The following REXO5 variants were observed in gnomAD, a reference collection of about 807,000 sequenced individuals.
The protein encoded by REXO5 is RNA exonuclease 5.
A neutral mutation model predicts 88.5 loss-of-function variants in REXO5; 48 were observed. The observed-to-expected ratio is 0.54, with a 90% confidence interval of 0.43 to 0.69. REXO5 has a LOEUF of 0.69. Ranked by LOEUF, REXO5 falls within the 30% of genes least tolerant of loss-of-function variation. The pLI is 0.00. For synonymous variants in REXO5, 311 were observed against 336.5 expected, an observed-to-expected ratio of 0.92 and a Z score of 0.83; for missense variants, 749 against 912.2, an observed-to-expected ratio of 0.82 and a Z score of 2.30.
In REXO5 at chr16:20,807,265, G is replaced by T. The variant is rs537472244; in HGVS notation, c.138+174G>T. The T allele has an allele frequency of 4.2e-6, 3 of 710,140 alleles. No homozygotes were observed. The East Asian group carries it at 8.4e-5, about 20-fold the overall frequency. The allele number at this position is 710,140 out of a possible 1,614,324, so 44.0% of individuals were successfully genotyped here. A position where few individuals can be genotyped will look rare whatever the true frequency, so the allele number is the denominator to read the frequency against. On this transcript the variant is annotated intron_variant, in intron 2 of 19. Coordinates refer to ENST00000261377, the MANE Select transcript of REXO5 (RefSeq NM_030941.3). ...TGTAATACCACCTTCCTGCAACAAGGCTGTCATTGGCTGTCACTGGGATAG... is the reference window on the plus strand; with the variant it reads ...TGTAATACCACCTTCCTGCAACAAGTCTGTCATTGGCTGTCACTGGGATAG...
chr16:20,831,318 G>T (rs2081341356), intron 11 of REXO5, among the ~76,000 whole-genome samples: 1 of 152,144 alleles, frequency 6.6e-6, no homozygotes, highest in Non-Finnish European at 1.5e-5. Flanking sequence ...CTCACCCCTT[G>T]TGAGAAGATG....
chr16:20,833,233 T>G, intron 13 of REXO5, 110 bp downstream of exon 13: 2 of 1,165,642 alleles, frequency 1.7e-6, no homozygotes, highest in South Asian at 3.4e-5. Context: ...CTGGCTACAG[T>G]TAGCAAGCCT....
chr16:20,832,299 A>C (rs769299174), intron 12 of REXO5, 40 bp downstream of exon 12: 1 of 1,301,696 alleles, frequency 7.7e-7, no homozygotes, highest in Non-Finnish European at 1.1e-6. Context: ...AGACAAATGG[A>C]GTATCTAGTT....
At position 20,806,550 on chromosome 16, in the gene REXO5, A is replaced by AG; in HGVS notation, c.-154dup. 1 of 1,513,298 alleles carries AG rather than the reference A, an allele frequency of 6.6e-7. No individual in the cohort carries two copies. The highest frequency in any genetic ancestry group is 8.8e-7 in the Non-Finnish European group (1 of 1,131,944). 93.7% of individuals were successfully genotyped at this position (1,513,298 alleles called of 1,614,324 possible). ...TTGTTGTTGGCAGCTGTGGCTAAGG[A>AG]GGGGAGAACCTCTGCTCCCCGCCCG... On this transcript the variant is annotated 5_prime_UTR_variant, in exon 1 of 20. Transcript: ENST00000261377.
rs373915402 is a variant in REXO5, at chr16:20,825,119, AG to A, written c.705+594del. Among the ~76,000 whole-genome samples the A allele has an allele frequency of 9.1e-4, 139 of 152,314 alleles. 4 individuals are homozygous for A. The South Asian group carries it at 0.028, about 31-fold the overall frequency. ...GAAGTATTTTGTTGTTGCTGCCATG[AG>A]GACTTTGCCTTAATTGTTGGTTTGG... is the stretch of plus-strand genomic sequence containing the variant. On this transcript the variant is annotated intron_variant, in intron 7 of 19. Transcript: ENST00000261377.
intron 10 of REXO5, among the ~76,000 whole-genome samples, 185 bp downstream of exon 10, chr16:20,827,632 C>T (rs1013890681): frequency 8.6e-5 from 13 of 151,990 alleles, no homozygotes; most frequent in South Asian, 4.2e-4. Flanking sequence ...CATTCACAGT[C>T]GAGGCTTAAT....
rs2081618140 is a variant in REXO5, at chr16:20,847,087, G to A, written c.2243+748G>A. On this transcript the variant is annotated intron_variant, in intron 19 of 19. Transcript: ENST00000261377. The stretch of plus-strand genomic sequence containing the variant: ...TTTTTGAACAGTGTGAAAACCTTGG[G>A]TTGTGTTAATTTTTAAAAGTCCCTT... Among the ~76,000 whole-genome samples, 3 of 152,188 alleles carry A rather than the reference G, an allele frequency of 2.0e-5. No individual in the cohort carries two copies. The South Asian group carries it at 6.2e-4, about 32-fold the overall frequency.
rs1238387602 is a variant in REXO5, at chr16:20,827,072, C to T, written c.836C>T (p.Thr279Met). The T allele has an allele frequency of 2.5e-6, 4 of 1,613,636 alleles. No homozygotes were observed. Among genetic ancestry groups the T allele is most frequent in the Non-Finnish European group, 3.4e-6 (4 of 1,179,780 alleles). The change falls in exon 9 of 20, where the codon ACG becomes ATG. Residue 279 changes from threonine to methionine, a missense_variant. Physicochemically the swap from Thr to Met is moderately conservative, Grantham distance 81. Transcript: ENST00000261377. ...TTTAATGAAAGCTTTTCGGGAATCA[C>T]GAAGAAGATTCTTAACCCAGTGACG... ...LDYLTSFSGI[T>M]KKILNPVTTK...
At chr16:20,826,969 T>C in intron 8 of REXO5, 89 bp from the exon 9 acceptor site, 2 of 1,366,050 alleles carry the variant, frequency 1.5e-6, no homozygotes, top group Non-Finnish European at 2.0e-6. Flanking sequence ...TTAACAGTAA[T>C]TTTAAAAAAT....
intron 9 of REXO5, 48 bp downstream of exon 9, chr16:20,827,244 C>G: frequency 6.2e-7 from 1 of 1,609,692 alleles, no homozygotes; most frequent in East Asian, 2.2e-5. Context: ...AATGCCTGTT[C>G]CATTTATCTC....
chr16:20,811,345 G>C (rs1284192284), intron 2 of REXO5, among the ~76,000 whole-genome samples: 4 of 152,174 alleles, frequency 2.6e-5, no homozygotes, highest in Non-Finnish European at 5.9e-5. Context: ...TAAGAAAGTA[G>C]ATAGATGTAC....
intron 3 of REXO5, 42 bp downstream of exon 3, chr16:20,813,344 CTTTTTTTTTT>C (rs56875427): frequency 3.1e-6 from 2 of 644,002 alleles, no homozygotes; most frequent in Non-Finnish European, 5.0e-6. Context: ...CCAGCGGTTT[CTTTTTTTTTT>C]TTTTTTTTTT....
chr16:20,820,167 G>A (rs1252261746), intron 5 of REXO5, among the ~76,000 whole-genome samples: 2 of 152,104 alleles, frequency 1.3e-5, no homozygotes, highest in Admixed American at 1.3e-4. Flanking sequence ...TTGAATGGTG[G>A]ACGAAAGTTA....
intron 5 of REXO5, chr16:20,820,976 T>A (rs1457190111): frequency 1.3e-5 from 2 of 150,778 alleles, no homozygotes; most frequent in African/African-American, 4.8e-5. Context: ...AAGTCATTGG[T>A]CAATCTATAG....
intron 2 of REXO5, among the ~76,000 whole-genome samples, chr16:20,810,861 C>T (rs765634514): frequency 6.6e-6 from 1 of 152,150 alleles, no homozygotes; most frequent in Non-Finnish European, 1.5e-5. Flanking sequence ...TGTACCAGGT[C>T]ATCTTCCTTT....
chr16:20,827,222 A>G (rs201141698), intron 9 of REXO5, 26 bp downstream of exon 9: 171 of 1,613,678 alleles, frequency 1.1e-4, no homozygotes, highest in Non-Finnish European at 2.7e-5. Flanking sequence ...AGGACTTTGC[A>G]TTTTCAGTAT....
chr16:20,817,091 A>G (rs1239885396), intron 5 of REXO5, among the ~76,000 whole-genome samples: 5 of 152,344 alleles, frequency 3.3e-5, no homozygotes, highest in South Asian at 4.1e-4. Flanking sequence ...GTATTGTTCA[A>G]TGATACTCTA....
rs1292457996 is a variant in REXO5 at position 20,818,480 on chromosome 16, T to A, written c.475+2268T>A. On this transcript the variant is annotated intron_variant, in intron 5 of 19. Coordinates refer to ENST00000261377, the MANE Select transcript of REXO5 (RefSeq NM_030941.3). ...TCTTAATTCAGATGCTGTAACAACT[T>A]CTTTTTGAAACAGAGTCTCGCTCTG... is the stretch of plus-strand genomic sequence containing the variant. 1.2e-4 allele frequency among the ~76,000 whole-genome samples: 19 copies of A among 152,204 alleles called. 1 individual carries two copies. Among genetic ancestry groups the A allele is most frequent in the Admixed American group, 1.2e-3 (19 of 15,284 alleles).
chr16:20,834,259 G>A (rs1398666361), intron 13 of REXO5, among the ~76,000 whole-genome samples: 4 of 152,158 alleles, frequency 2.6e-5, no homozygotes, highest in Middle Eastern at 3.2e-3. Flanking sequence ...GGTGTTGTCT[G>A]CTTTCTCTAT....
Sources: gnomAD v4.1 joint callset for allele counts (sites outside exome capture counted in the v4.1 genomes callset) on GRCh38, gnomAD v4.1.1 for gene constraint, MANE v1.5 for transcripts, NCBI Gene and HGNC (gene_info 2026-07-23, HGNC 2026-07-21) for gene names.